Variants in CSMD1 observed in about 807,000 individuals in gnomAD.
CSMD1 encodes the protein CUB and sushi domain-containing protein 1.
A neutral mutation model predicts 417.5 loss-of-function variants in CSMD1; 213 were observed. The observed-to-expected ratio is 0.51, with a 90% confidence interval of 0.46 to 0.57. The LOEUF is 0.57. Among genes scored for constraint, CSMD1 ranks in the 20% least tolerant of loss-of-function variants. The pLI is 0.00. For synonymous variants in CSMD1, 2,862 were observed against 1,736.8 expected (o/e 1.65, Z -16.11); for missense variants, 6,923 against 4,529.7 (o/e 1.53, Z -15.17).
At chr8:3,074,586 T>A (rs1009496148) in intron 49 of CSMD1, among the ~76,000 whole-genome samples, 4 of 152,226 alleles carry the variant, frequency 2.6e-5, no homozygotes, top group African/African-American at 9.6e-5. Context: ...TCATTGCCTG[T>A]ATTTCACTTT....
At chr8:3,932,911 T>G (rs1047756876) in intron 5 of CSMD1, among the ~76,000 whole-genome samples, 3 of 150,484 alleles carry the variant, frequency 2.0e-5, no homozygotes, top group Admixed American at 1.3e-4. Context: ...AACACACTTC[T>G]ATTTAGTAAA....
At chr8:3,870,045 T>C (rs1167391224) in intron 5 of CSMD1, among the ~76,000 whole-genome samples, 1 of 152,214 alleles carries the variant, frequency 6.6e-6, no homozygotes, top group Non-Finnish European at 1.5e-5. Flanking sequence ...GTCTCTTCAT[T>C]GCTTAACTGT....
At chr8:4,524,094 G>T (rs1326025470) in intron 2 of CSMD1, among the ~76,000 whole-genome samples, 1 of 151,986 alleles carries the variant, frequency 6.6e-6, no homozygotes. Flanking sequence ...CTCTGGAATA[G>T]TCCCAAGAAA....
At chr8:4,601,878 G>T (rs547807708) in intron 2 of CSMD1, among the ~76,000 whole-genome samples, 1 of 152,186 alleles carries the variant, frequency 6.6e-6, no homozygotes, top group African/African-American at 2.4e-5. Flanking sequence ...CTGTGGAGCA[G>T]GGCACAGCCT....
At chr8:4,375,622 G>C (rs1047249801) in intron 3 of CSMD1, among the ~76,000 whole-genome samples, 53 of 152,098 alleles carry the variant, frequency 3.5e-4, no homozygotes, top group African/African-American at 1.2e-3. Context: ...CAGCCACGTG[G>C]AATTGTGGCT....
chr8:4,934,525 C>A (rs977570812), intron 1 of CSMD1, among the ~76,000 whole-genome samples: 1 of 152,098 alleles, frequency 6.6e-6, no homozygotes, highest in Non-Finnish European at 1.5e-5. Context: ...GGGCTTTGAG[C>A]TGACTTAAGT....
chr8:4,634,719 T>C (rs1469106014), intron 2 of CSMD1, among the ~76,000 whole-genome samples: 1 of 152,198 alleles, frequency 6.6e-6, no homozygotes, highest in Non-Finnish European at 1.5e-5. Context: ...GAGTGCTCCC[T>C]TTCCCGATTA....
At chr8:4,613,640 G>T (rs1756540935) in intron 2 of CSMD1, among the ~76,000 whole-genome samples, 1 of 152,116 alleles carries the variant, frequency 6.6e-6, no homozygotes, top group Admixed American at 6.5e-5. Flanking sequence ...AGGTTTGCCT[G>T]ACAACCCTTA....
At chr8:4,225,497 T>C (rs1175840918) in intron 3 of CSMD1, among the ~76,000 whole-genome samples, 1 of 122,764 alleles carries the variant, frequency 8.1e-6, no homozygotes, top group Non-Finnish European at 1.7e-5. Context: ...ATAAAGCAAC[T>C]CATCACTTTT....
chr8:4,501,713 C>A (rs776698050), intron 2 of CSMD1, among the ~76,000 whole-genome samples: 9 of 152,188 alleles, frequency 5.9e-5, no homozygotes, highest in Non-Finnish European at 8.8e-5. Context: ...CTACATTAGT[C>A]ACTTAGTAGC....
chr8:3,828,349 A>G (rs1307149790), intron 5 of CSMD1, among the ~76,000 whole-genome samples: 1 of 152,204 alleles, frequency 6.6e-6, no homozygotes, highest in Non-Finnish European at 1.5e-5. Context: ...ATAATTAAGA[A>G]TCTGTTAGGA....
intron 7 of CSMD1, among the ~76,000 whole-genome samples, chr8:3,698,904 G>C (rs1344408140): frequency 3.3e-5 from 5 of 152,198 alleles, no homozygotes; most frequent in African/African-American, 1.2e-4. Flanking sequence ...GATTGGATTA[G>C]GGGACATGTC....
chr8:4,933,394 A>T (rs5001125), intron 1 of CSMD1, among the ~76,000 whole-genome samples: 47,330 of 152,082 alleles, frequency 0.31, 8,336 homozygotes, highest in Non-Finnish European at 0.41. Flanking sequence ...TCGCCATCTG[A>T]CCTTATGGGG....
intron 1 of CSMD1, among the ~76,000 whole-genome samples, chr8:4,987,403 A>T (rs956609881): frequency 2.0e-5 from 3 of 152,132 alleles, no homozygotes; most frequent in African/African-American, 7.2e-5. Context: ...CTTTAGGAAA[A>T]CGCTCAGTGC....
At chr8:3,061,341 T>C (rs1812576352) in intron 49 of CSMD1, among the ~76,000 whole-genome samples, 1 of 152,246 alleles carries the variant, frequency 6.6e-6, no homozygotes, top group Admixed American at 6.5e-5. Flanking sequence ...CCTTCAGATT[T>C]AATGTAAAAG....
intron 3 of CSMD1, among the ~76,000 whole-genome samples, chr8:4,304,256 G>C (rs754730932): frequency 1.1e-4 from 17 of 152,272 alleles, no homozygotes; most frequent in Admixed American, 2.6e-4. Context: ...TGCAGGCAAA[G>C]TCAAGGATTT....
chr8:4,163,994 T>C (rs1001197299), intron 3 of CSMD1, among the ~76,000 whole-genome samples: 1 of 152,206 alleles, frequency 6.6e-6, no homozygotes, highest in Non-Finnish European at 1.5e-5. Context: ...TGAGGAATAA[T>C]CGTGAGGAGA....
rs111271457 is a variant in CSMD1 at position 3,781,391 on chromosome 8, G to C, written c.819-27349C>G. Among the ~76,000 whole-genome samples the C allele has an allele frequency of 7.5e-3, 1,149 of 152,290 alleles. 12 individuals are homozygous for C. The highest frequency in any genetic ancestry group is 0.022 in the African/African-American group (912 of 41,560). On this transcript the variant is annotated intron_variant, in intron 5 of 69. Coordinates refer to ENST00000635120, the MANE Select transcript of CSMD1 (RefSeq NM_033225.6). ...AGCGCATTCTATAGAGTTAATGCAA[G>C]CTTGTGCTGTGAGGCCAGGTGGACT...
At chr8:3,053,954 T>G (rs1356358928) in intron 49 of CSMD1, among the ~76,000 whole-genome samples, 1 of 152,238 alleles carries the variant, frequency 6.6e-6, no homozygotes, top group Admixed American at 6.5e-5. Context: ...TGAGAATATC[T>G]GTGTAACAAG....
Sources: allele counts gnomAD v4.1 joint callset (sites outside exome capture counted in the v4.1 genomes callset), GRCh38; gene constraint gnomAD v4.1.1; transcripts MANE v1.5; gene names NCBI Gene and HGNC (gene_info 2026-07-23, HGNC 2026-07-21).